The following PIGU variants were observed in gnomAD, a reference collection of about 807,000 sequenced individuals.
The protein encoded by PIGU is GPI-anchor transamidase component PIGU.
PIGU carries 24 observed loss-of-function variants against 49.9 expected under a neutral mutation model. The ratio of observed to expected loss-of-function variants is 0.48; its 90% CI spans 0.35 to 0.68. The LOEUF is 0.68. PIGU is among the 30% of genes least tolerant of loss of function. The pLI is 0.01. For synonymous variants in PIGU, 220 were observed against 205.7 expected (o/e 1.07, Z -0.59); for missense variants, 490 against 532.6 (o/e 0.92, Z 0.79).
At chr20:34,620,950 C>G (rs1207689835) in intron 6 of PIGU, among the ~76,000 whole-genome samples, 2 of 152,082 alleles carry the variant, frequency 1.3e-5, no homozygotes, top group African/African-American at 4.8e-5. Context: ...CACATTCTAC[C>G]CATTTTACAG....
At position 34,646,918 on chromosome 20, in the gene PIGU, G is replaced by A. The variant is rs117822687; in HGVS notation, c.196-1584C>T. Among the ~76,000 whole-genome samples, 410 of 151,460 alleles carry A rather than the reference G, an allele frequency of 2.7e-3. 2 individuals carry two copies. Among genetic ancestry groups the A allele is most frequent in the Non-Finnish European group, 4.3e-3 (289 of 67,868 alleles). On this transcript the variant is annotated intron_variant, in intron 2 of 11. Transcript: ENST00000217446. ...CTTGCTGCAAGATCCTCCACCTCCA[G>A]GGTTCAGATGATTCTCCTGCCTCAG...
chr20:34,560,827 C>G lies in PIGU; in HGVS notation c.*39G>C. ...GGGCTTGGCCCAGCTTCTGGCCCCA[C>G]AGCCCCCTGAGGTCCATGCAGCCCT... On this transcript the variant is annotated 3_prime_UTR_variant, in exon 12 of 12. Transcript: ENST00000217446. 2.1e-6 allele frequency: 3 copies of G among 1,440,400 alleles called. No homozygotes were observed. The highest frequency in any genetic ancestry group is 2.8e-6 in the Non-Finnish European group (3 of 1,059,198). The allele number at this position is 1,440,400 out of a possible 1,614,324, so 89.2% of individuals were successfully genotyped here.
At chr20:34,666,598 C>A (rs1237245745) in intron 1 of PIGU, among the ~76,000 whole-genome samples, 1 of 151,120 alleles carries the variant, frequency 6.6e-6, no homozygotes, top group Non-Finnish European at 1.5e-5. Context: ...GTGGCACAAT[C>A]AGCTCACTGC....
At chr20:34,615,621 T>C (rs986619620) in intron 7 of PIGU, among the ~76,000 whole-genome samples, 6 of 152,208 alleles carry the variant, frequency 3.9e-5, no homozygotes, top group Admixed American at 1.3e-4. Context: ...AAGTTTTAAA[T>C]TGTACACCAT....
chr20:34,582,806 G>A (rs1184003716), intron 9 of PIGU, among the ~76,000 whole-genome samples: 6 of 152,024 alleles, frequency 3.9e-5, no homozygotes, highest in African/African-American at 4.8e-5. Context: ...TCTTAATCAC[G>A]CCCAATACCA....
chr20:34,635,198 G>A (rs999045228), intron 5 of PIGU, among the ~76,000 whole-genome samples: 1 of 152,166 alleles, frequency 6.6e-6, no homozygotes, highest in African/African-American at 2.4e-5. Flanking sequence ...CTCAAGAATA[G>A]CTACATTTAC....
intron 2 of PIGU, among the ~76,000 whole-genome samples, chr20:34,655,968 C>CTTTTTTTTT (rs759103027): frequency 1.3e-5 from 1 of 76,772 alleles, no homozygotes; most frequent in African/African-American, 5.1e-5. Context: ...TTTCACTATT[C>CTTTTTTTTT]TTTTTTTTTT....
At chr20:34,634,404 A>T (rs1313237989) in intron 6 of PIGU, among the ~76,000 whole-genome samples, 1 of 152,148 alleles carries the variant, frequency 6.6e-6, no homozygotes, top group African/African-American at 2.4e-5. Flanking sequence ...GTTAACAGTC[A>T]CTGTCTGAGA....
Position 34,585,490 on chromosome 20 carries a change from A to T in PIGU, c.873T>A (p.Cys291Ter). The change falls in exon 9 of 12, where the codon TGT (cysteine) becomes TGA (stop). Residue 291 changes from cysteine to a stop codon, truncating the protein, a stop_gained. Transcript: ENST00000217446. LOFTEE classifies it high-confidence loss of function. ...AGAAGAAGACGTTGATCTGAAACAC[A>T]CATACAAAGAAGAGGCTGAAGTGCT... ...MFEHFSLFFV[C>*]VFQINVFFYT... is the part of the protein sequence containing the mutation. The T allele has an allele frequency of 6.2e-7, 1 of 1,613,956 alleles. No homozygotes were observed. The highest frequency in any genetic ancestry group is 8.5e-7 in the Non-Finnish European group (1 of 1,179,756).
chr20:34,626,057 T>C (rs963069280), intron 6 of PIGU, among the ~76,000 whole-genome samples: 6 of 151,538 alleles, frequency 4.0e-5, no homozygotes, highest in Non-Finnish European at 8.8e-5. Flanking sequence ...ATGTGCATAA[T>C]ATTCTACTAC....
At chr20:34,611,026 C>T (rs1984793070) in intron 7 of PIGU, among the ~76,000 whole-genome samples, 2 of 152,152 alleles carry the variant, frequency 1.3e-5, no homozygotes, top group Admixed American at 6.5e-5. Flanking sequence ...AAACTGGACC[C>T]CTTTGTTACA....
intron 7 of PIGU, among the ~76,000 whole-genome samples, chr20:34,615,811 G>A (rs912577034): frequency 2.0e-5 from 3 of 152,122 alleles, no homozygotes; most frequent in African/African-American, 7.2e-5. Flanking sequence ...CTCCATTAGG[G>A]GCTTTAGAAC....
chr20:34,607,024 G>A (rs1984640405), intron 7 of PIGU, among the ~76,000 whole-genome samples: 1 of 152,224 alleles, frequency 6.6e-6, no homozygotes, highest in South Asian at 2.1e-4. Context: ...CTCCCAAAGT[G>A]TTGGGATTAC....
At chr20:34,567,477 C>A (rs551151736) in intron 11 of PIGU, among the ~76,000 whole-genome samples, 32 of 152,310 alleles carry the variant, frequency 2.1e-4, no homozygotes, top group African/African-American at 7.7e-4. Context: ...CTCAAAACCA[C>A]CTTCCCAGTT....
At chr20:34,650,966 G>A (rs942036813) in intron 2 of PIGU, among the ~76,000 whole-genome samples, 2 of 151,696 alleles carry the variant, frequency 1.3e-5, no homozygotes, top group Admixed American at 6.6e-5. Flanking sequence ...CGCCAGCCTC[G>A]GCCTCCCAAA....
At chr20:34,621,724 A>G (rs1263019329) in intron 6 of PIGU, among the ~76,000 whole-genome samples, 3 of 152,242 alleles carry the variant, frequency 2.0e-5, no homozygotes, top group Non-Finnish European at 2.9e-5. Context: ...AAGGAAAGTG[A>G]GAAGTGACTT....
chr20:34,608,296 A>T (rs1002627395), intron 7 of PIGU, among the ~76,000 whole-genome samples: 15 of 152,090 alleles, frequency 9.9e-5, no homozygotes, highest in African/African-American at 3.6e-4. Flanking sequence ...CTGGTCTGGA[A>T]CTACTGACTT....
chr20:34,669,603 G>T (rs576774465), intron 1 of PIGU, among the ~76,000 whole-genome samples: 145 of 150,898 alleles, frequency 9.6e-4, no homozygotes, highest in Middle Eastern at 3.4e-3. Flanking sequence ...GGAGGTGGAG[G>T]TTGCAGTAGG....
At chr20:34,627,388 T>C (rs1372619241) in intron 6 of PIGU, among the ~76,000 whole-genome samples, 1 of 152,100 alleles carries the variant, frequency 6.6e-6, no homozygotes, top group Non-Finnish European at 1.5e-5. Context: ...AACAAAATTA[T>C]GTATATAACA....
Sources: gnomAD v4.1 joint callset for allele counts (sites outside exome capture counted in the v4.1 genomes callset) on GRCh38, gnomAD v4.1.1 for gene constraint, MANE v1.5 for transcripts, NCBI Gene and HGNC (gene_info 2026-07-23, HGNC 2026-07-21) for gene names.